The following RORA variants were observed in gnomAD, a reference collection of about 807,000 sequenced individuals.
RORA encodes RAR related orphan receptor A.
A neutral mutation model predicts 69.5 loss-of-function variants in RORA; 7 were observed. That is an observed-to-expected ratio of 0.10 (90% CI 0.06 to 0.19). The LOEUF (loss-of-function observed/expected upper bound fraction) is 0.19, where lower values mean the gene tolerates loss of function less well. Ranked by LOEUF, RORA falls within the 10% of genes least tolerant of loss-of-function variation. The pLI is 1.00. For missense variants in RORA, 457 were observed against 663.0 expected (o/e 0.69, Z 3.41); for synonymous variants, 261 against 240.8 (o/e 1.08, Z -0.78).
intron 2 of RORA, among the ~76,000 whole-genome samples, chr15:60,669,099 A>G (rs1157796185): frequency 1.3e-5 from 2 of 152,218 alleles, no homozygotes; most frequent in Non-Finnish European, 2.9e-5. Context: ...CCTGCAGCCA[A>G]TTAGCAGCTC....
chr15:60,656,780 G>A (rs563992132), intron 2 of RORA, among the ~76,000 whole-genome samples: 51 of 152,280 alleles, frequency 3.3e-4, no homozygotes, highest in African/African-American at 1.2e-3. Flanking sequence ...AAAAAGGAAG[G>A]AAAAGTAACA....
Position 60,495,454 on chromosome 15 carries a change from C to G in RORA, c.*2001G>C, listed in dbSNP as rs1761120250. The G allele has an allele frequency of 6.6e-6, 1 of 152,194 alleles. No individual in the cohort carries two copies. Among genetic ancestry groups the G allele is most frequent in the Non-Finnish European group, 1.5e-5 (1 of 68,040 alleles). The allele number at this position is 152,194 out of a possible 1,614,324, so 9.4% of individuals were successfully genotyped here. A position where few individuals can be genotyped will look rare whatever the true frequency, so the allele number is the denominator to read the frequency against. On this transcript the variant is annotated 3_prime_UTR_variant, in exon 11 of 11. Transcript: ENST00000335670. The stretch of plus-strand genomic sequence containing the variant: ...TTGGATGTTATTTAGGCTTCATACA[C>G]ACATCTGTGTGAATAATACCTTCCC...
At chr15:60,751,187 T>C (rs1007502350) in intron 1 of RORA, among the ~76,000 whole-genome samples, 1 of 152,156 alleles carries the variant, frequency 6.6e-6, no homozygotes, top group East Asian at 1.9e-4. Context: ...GCGGGGCATC[T>C]CTCTCTACAA....
At chr15:61,130,214 C>A (rs2060526822) in intron 1 of RORA, among the ~76,000 whole-genome samples, 2 of 152,142 alleles carry the variant, frequency 1.3e-5, no homozygotes, top group Non-Finnish European at 2.9e-5. Context: ...CTGGTTATTT[C>A]ATCTATAAAA....
Position 61,167,179 on chromosome 15 carries a change from C to T in RORA, c.166+61874G>A, listed in dbSNP as rs142755283. ...GCTTCTGTAAAAATCACTCTTCACT[C>T]GGTACTCAGCAGTTAAGTCTCTTAA... On this transcript the variant is annotated intron_variant, in intron 1 of 10. Coordinates refer to ENST00000335670, the MANE Select transcript of RORA (RefSeq NM_134261.3). Among the ~76,000 whole-genome samples the T allele has an allele frequency of 4.2e-3, 632 of 152,284 alleles. 3 individuals carry two copies. Among genetic ancestry groups the T allele is most frequent in the Non-Finnish European group, 5.6e-3 (379 of 68,020 alleles).
chr15:61,212,037 T>C (rs2079996860), intron 1 of RORA: 1 of 152,196 alleles, frequency 6.6e-6, no homozygotes. Flanking sequence ...TTCCCATGGC[T>C]AGACCCAGCC....
intron 1 of RORA, among the ~76,000 whole-genome samples, chr15:61,166,599 TTA>T (rs1438486826): frequency 6.6e-6 from 1 of 152,062 alleles, no homozygotes; most frequent in Non-Finnish European, 1.5e-5. Context: ...CAGCATGATA[TTA>T]TAGGAAGGGG....
At chr15:61,203,955 A>AT (rs2079917107) in intron 1 of RORA, among the ~76,000 whole-genome samples, 1 of 152,116 alleles carries the variant, frequency 6.6e-6, no homozygotes, top group African/African-American at 2.4e-5. Flanking sequence ...GAGAGTACCT[A>AT]TTTTTTCACT....
chr15:60,597,404 A>G (rs1290562616), intron 2 of RORA, among the ~76,000 whole-genome samples: 1 of 149,438 alleles, frequency 6.7e-6, no homozygotes, highest in African/African-American at 2.5e-5. Context: ...ACACCAGTCA[A>G]GGCAGGAAGG....
At chr15:61,139,010 G>A (rs1009094028) in intron 1 of RORA, among the ~76,000 whole-genome samples, 10 of 152,002 alleles carry the variant, frequency 6.6e-5, no homozygotes, top group Admixed American at 2.6e-4. Flanking sequence ...CAGGCGTGGT[G>A]GCGGGCGCCT....
chr15:60,780,325 A>G (rs75869470), intron 1 of RORA, among the ~76,000 whole-genome samples: 1,663 of 152,300 alleles, frequency 0.011, 29 homozygotes, highest in African/African-American at 0.039. Context: ...AAAGTTCCAC[A>G]TGGACTGGTG....
intron 1 of RORA, among the ~76,000 whole-genome samples, chr15:61,223,918 A>G (rs1005269162): frequency 2.0e-5 from 3 of 151,820 alleles, no homozygotes; most frequent in Non-Finnish European, 4.4e-5. Context: ...TAAAAATACA[A>G]TTTTATTTTA....
At chr15:61,119,713 A>T (rs1478948837) in intron 1 of RORA, among the ~76,000 whole-genome samples, 1 of 152,116 alleles carries the variant, frequency 6.6e-6, no homozygotes, top group Non-Finnish European at 1.5e-5. Flanking sequence ...CCCCAACCAC[A>T]GTTATTCTTG....
intron 2 of RORA, chr15:60,593,190 A>T: frequency 3.6e-6 from 1 of 275,916 alleles, no homozygotes; most frequent in Non-Finnish European, 7.2e-6. Flanking sequence ...ATTGGCAGTT[A>T]TACCAATAAC....
chr15:61,189,540 A>T (rs2079775944), intron 1 of RORA, among the ~76,000 whole-genome samples: 1 of 152,140 alleles, frequency 6.6e-6, no homozygotes, highest in Non-Finnish European at 1.5e-5. Flanking sequence ...TGCAGCCTCC[A>T]CAGGGCCCCA....
intron 1 of RORA, among the ~76,000 whole-genome samples, chr15:60,912,640 G>T (rs1252640162): frequency 6.6e-6 from 1 of 152,138 alleles, no homozygotes; most frequent in African/African-American, 2.4e-5. Context: ...TGTAGTCCCA[G>T]CTCCTCAGGA....
chr15:61,034,911 C>G (rs1424070094), intron 1 of RORA, among the ~76,000 whole-genome samples: 2 of 151,700 alleles, frequency 1.3e-5, no homozygotes, highest in African/African-American at 4.8e-5. Flanking sequence ...TTTCAGTTTT[C>G]TGGAGATTGT....
In RORA at chr15:60,808,554, C is replaced by G. The variant is rs1053827795; in HGVS notation, c.167-129868G>C. Among the ~76,000 whole-genome samples, 6 of 151,956 alleles carry G rather than the reference C, an allele frequency of 3.9e-5. No homozygotes were observed. In the East Asian group the frequency reaches 1.2e-3, roughly 29 times the overall value. ...TCTACCATTTGATCCAGCAATCCTA[C>G]CACTAGGTATCTACGCAGAGGAAAA... On this transcript the variant is annotated intron_variant, in intron 1 of 10. Transcript: ENST00000335670.
At chr15:60,885,684 C>T (rs1027577464) in intron 1 of RORA, among the ~76,000 whole-genome samples, 1 of 152,196 alleles carries the variant, frequency 6.6e-6, no homozygotes, top group African/African-American at 2.4e-5. Context: ...AACTTGTAGT[C>T]TTTACGGAAT....
Sources: allele counts gnomAD v4.1 joint callset (sites outside exome capture counted in the v4.1 genomes callset), GRCh38; gene constraint gnomAD v4.1.1; transcripts MANE v1.5; gene names NCBI Gene and HGNC (gene_info 2026-07-23, HGNC 2026-07-21).